Variants in NPSR1 observed in about 807,000 individuals in gnomAD.
The protein encoded by NPSR1 is neuropeptide S receptor.
A neutral mutation model predicts 46.9 loss-of-function variants in NPSR1; 48 were observed. The ratio of observed to expected loss-of-function variants is 1.02; its 90% CI spans 0.81 to 1.30. The LOEUF (loss-of-function observed/expected upper bound fraction) is 1.30. Ranked by LOEUF, NPSR1 falls within the 50% of genes most tolerant of loss-of-function variation. The pLI is 0.00. For missense variants in NPSR1, 450 were observed against 449.5 expected, an observed-to-expected ratio of 1.00 and a Z score of -0.01; for synonymous variants, 176 against 168.1, an observed-to-expected ratio of 1.05 and a Z score of -0.36.
intron 2 of NPSR1, among the ~76,000 whole-genome samples, chr7:34,749,669 A>C (rs1361057814): frequency 6.6e-6 from 1 of 152,244 alleles, no homozygotes; most frequent in Non-Finnish European, 1.5e-5. Flanking sequence ...GTAAGGGCAG[A>C]AAGTACAAGG....
At chr7:34,856,538 G>A (rs1791051001) in intron 8 of NPSR1, among the ~76,000 whole-genome samples, 2 of 151,556 alleles carry the variant, frequency 1.3e-5, no homozygotes, top group South Asian at 4.1e-4. Flanking sequence ...TGCTTGTAGA[G>A]CCTTCTTCTT....
chr7:34,823,475 A>T (rs975840343), intron 4 of NPSR1, among the ~76,000 whole-genome samples: 1 of 150,820 alleles, frequency 6.6e-6, no homozygotes, highest in Non-Finnish European at 1.5e-5. Flanking sequence ...CTAATTAAAG[A>T]ATTGCAAAAT....
At chr7:34,764,290 C>A (rs1443564337) in intron 2 of NPSR1, among the ~76,000 whole-genome samples, 1 of 151,982 alleles carries the variant, frequency 6.6e-6, no homozygotes, top group Non-Finnish European at 1.5e-5. Context: ...TCTTAAAGTA[C>A]AAATTTAAAA....
intron 2 of NPSR1, among the ~76,000 whole-genome samples, chr7:34,707,628 G>A (rs1794174669): frequency 6.6e-6 from 1 of 152,170 alleles, no homozygotes; most frequent in Non-Finnish European, 1.5e-5. Flanking sequence ...ACAAATTACA[G>A]GTAAAATAAT....
intron 8 of NPSR1, among the ~76,000 whole-genome samples, chr7:34,861,324 G>T (rs1791186859): frequency 6.6e-6 from 1 of 151,842 alleles, no homozygotes; most frequent in East Asian, 1.9e-4. Flanking sequence ...CCCCTTCTGA[G>T]AATATGTTTC....
chr7:34,836,206 T>A (rs974654028), intron 6 of NPSR1, among the ~76,000 whole-genome samples: 3 of 152,070 alleles, frequency 2.0e-5, no homozygotes, highest in Non-Finnish European at 4.4e-5. Flanking sequence ...TCAGAGAGAA[T>A]AAACACAAGT....
At chr7:34,827,651 G>A (rs781295267) in intron 5 of NPSR1, 49 bp downstream of exon 5, 3 of 613,368 alleles carry the variant, frequency 4.9e-6, no homozygotes, top group Non-Finnish European at 8.7e-6. Flanking sequence ...GGCGGGGGGG[G>A]CTTTCCTGTT....
intron 2 of NPSR1, among the ~76,000 whole-genome samples, chr7:34,706,790 C>G (rs1794135151): frequency 6.6e-6 from 1 of 151,882 alleles, no homozygotes; most frequent in South Asian, 2.1e-4. Context: ...TTTTTGTGCT[C>G]TTTTTAACTC....
chr7:34,772,359 T>C (rs1308744209), intron 2 of NPSR1, among the ~76,000 whole-genome samples: 1 of 152,234 alleles, frequency 6.6e-6, no homozygotes, highest in Non-Finnish European at 1.5e-5. Flanking sequence ...GCAGTTTCTT[T>C]TGTTGTTCAG....
chr7:34,817,759 T>C (rs1789316907), intron 4 of NPSR1, among the ~76,000 whole-genome samples: 1 of 152,022 alleles, frequency 6.6e-6, no homozygotes, highest in Non-Finnish European at 1.5e-5. Flanking sequence ...GAAGGCTGGT[T>C]CAACATATGC....
chr7:34,823,056 T>C (rs1262203858), intron 4 of NPSR1, among the ~76,000 whole-genome samples: 2 of 151,788 alleles, frequency 1.3e-5, no homozygotes, highest in Non-Finnish European at 2.9e-5. Flanking sequence ...TCTAATTGAG[T>C]AAATGGGCAA....
Position 34,778,503 on chromosome 7 carries a change from T to C in NPSR1, c.322T>C (p.Trp108Arg). The C allele has an allele frequency of 6.2e-7, 1 of 1,612,830 alleles. No individual in the cohort carries two copies. The highest frequency in any genetic ancestry group is 8.5e-7 in the Non-Finnish European group (1 of 1,179,140). Residue 108 changes from tryptophan to arginine, a missense_variant, in exon 3 of 9, where the codon TGG becomes CGG. Transcript: ENST00000360581. ...GGTCAACATCTTGACAGATATTAAT[T>C]GGCGATTCACTGGAGACTTCACGGC... The part of the protein sequence containing the change: ...GLVNILTDIN[W>R]RFTGDFTAPD...
downstream of NPSR1, among the ~76,000 whole-genome samples, chr7:34,852,450 C>CA (rs960145556): frequency 2.0e-5 from 3 of 151,988 alleles, no homozygotes; most frequent in African/African-American, 7.3e-5. Flanking sequence ...AAGATGGGGA[C>CA]AAAATCAGGC....
rs563097952 is a variant in NPSR1, at chr7:34,807,871, A to G, written c.385-3899A>G. Among the ~76,000 whole-genome samples the G allele has an allele frequency of 2.0e-5, 3 of 152,070 alleles. No individual in the cohort carries two copies. The East Asian group carries it at 5.8e-4, about 29-fold the overall frequency. ...TGATTATCAATTGTGGTAGGCTTGA[A>G]AAAAGCTCCCCGCCCCTACCCCCCA... On this transcript the variant is annotated intron_variant, in intron 3 of 8. Coordinates refer to ENST00000360581, the MANE Select transcript of NPSR1 (RefSeq NM_207172.2).
At chr7:34,670,976 T>C (rs1189781722) in intron 1 of NPSR1, among the ~76,000 whole-genome samples, 1 of 152,180 alleles carries the variant, frequency 6.6e-6, no homozygotes, top group Non-Finnish European at 1.5e-5. Context: ...AGGCACTGCT[T>C]AGTAATTCTA....
At chr7:34,681,753 T>G (rs150314441) in intron 1 of NPSR1, among the ~76,000 whole-genome samples, 86 of 152,242 alleles carry the variant, frequency 5.6e-4, no homozygotes, top group African/African-American at 2.0e-3. Context: ...TGGAAAGGTC[T>G]CCAGGGACCC....
At chr7:34,721,552 C>G (rs1176912744) in intron 2 of NPSR1, among the ~76,000 whole-genome samples, 1 of 152,122 alleles carries the variant, frequency 6.6e-6, no homozygotes, top group Non-Finnish European at 1.5e-5. Context: ...TATTTCATTC[C>G]AACTGCATGC....
intron 2 of NPSR1, among the ~76,000 whole-genome samples, chr7:34,766,819 C>G (rs1224450045): frequency 1.3e-5 from 2 of 152,086 alleles, no homozygotes; most frequent in Admixed American, 1.3e-4. Context: ...GTGATCCACC[C>G]GCCTCGGCCT....
At chr7:34,776,910 C>T (rs571194317) in intron 2 of NPSR1, among the ~76,000 whole-genome samples, 2 of 152,186 alleles carry the variant, frequency 1.3e-5, no homozygotes, top group African/African-American at 2.4e-5. Context: ...AGTGCCCTCT[C>T]CTGTTGTGAC....
Sources: allele counts gnomAD v4.1 joint callset (sites outside exome capture counted in the v4.1 genomes callset), GRCh38; gene constraint gnomAD v4.1.1; transcripts MANE v1.5; gene names NCBI Gene and HGNC (gene_info 2026-07-23, HGNC 2026-07-21).